The following PTDSS1 variants were observed in gnomAD, a reference collection of about 807,000 sequenced individuals.
The protein encoded by PTDSS1 is PSS-1.
PTDSS1 carries 45 observed loss-of-function variants against 70.5 expected under a neutral mutation model. The ratio of observed to expected loss-of-function variants is 0.64; its 90% confidence interval spans 0.50 to 0.82. The LOEUF is 0.82. Ranked by LOEUF, PTDSS1 falls within the 40% of genes least tolerant of loss-of-function variation. The pLI is 0.00. For synonymous variants in PTDSS1, 188 were observed against 203.8 expected (o/e 0.92, Z 0.66); for missense variants, 417 against 586.1 (o/e 0.71, Z 2.98).
In PTDSS1 at chr8:96,321,392, T is replaced by G. The variant is rs548066503; in HGVS notation, c.1173+1047T>G. ...AAATTACTAACCTTTTCTTAAAGGT[T>G]GTATTTGTTTAACAATATATTTGAA... is the stretch of plus-strand genomic sequence containing the variant. On this transcript the variant is annotated intron_variant, in intron 10 of 12. Coordinates refer to ENST00000517309, the MANE Select transcript of PTDSS1 (RefSeq NM_014754.3). Among the ~76,000 whole-genome samples, 28 of 152,348 alleles carry G rather than the reference T, an allele frequency of 1.8e-4. No individual in the cohort carries two copies. In the South Asian group the frequency reaches 5.6e-3, roughly 30 times the overall value.
chr8:96,289,106 T>C (rs1405172422), intron 4 of PTDSS1, among the ~76,000 whole-genome samples: 1 of 152,026 alleles, frequency 6.6e-6, no homozygotes. Context: ...GGCTAATTTT[T>C]CTATTTTTAG....
intron 12 of PTDSS1, 62 bp from the exon 13 acceptor site, chr8:96,333,395 A>G (rs1811546088): frequency 6.7e-7 from 1 of 1,485,658 alleles, no homozygotes; most frequent in East Asian, 2.3e-5. Context: ...GGCGGTCTGG[A>G]AAGGGACAGT....
intron 7 of PTDSS1, among the ~76,000 whole-genome samples, chr8:96,304,521 GAGAAGGCTTTTCTTACATTCCTAATTC>G (rs1258039051): frequency 6.6e-6 from 1 of 152,224 alleles, no homozygotes; most frequent in Non-Finnish European, 1.5e-5. Flanking sequence ...AGGAACAAAT[GAGAAGGCTTTTCTTACATTCCTAATTC>G]AGTGTTTATT....
chr8:96,328,107 GCTGCCA>G lies in PTDSS1; in HGVS notation c.1174-2100_1174-2095del, dbSNP rs572040832. On this transcript the variant is annotated intron_variant, in intron 10 of 12. Transcript: ENST00000517309. ...CTGTTTGCCGCTGGAGGGAGCGGCA[GCTGCCA>G]CTGCCTGTCATATTGGGCCTGGGGC... 4.6e-3 allele frequency among the ~76,000 whole-genome samples: 706 copies of G among 152,298 alleles called. 7 individuals are homozygous for G. Among genetic ancestry groups the G allele is most frequent in the South Asian group, 7.5e-3 (36 of 4,822 alleles).
intron 6 of PTDSS1, among the ~76,000 whole-genome samples, chr8:96,301,243 G>A (rs771908825): frequency 5.9e-5 from 9 of 151,696 alleles, no homozygotes; most frequent in Non-Finnish European, 7.4e-5. Context: ...GACTTCAGGC[G>A]CGTGCCACCA....
chr8:96,317,311 C>T (rs1811309147), intron 9 of PTDSS1, among the ~76,000 whole-genome samples: 1 of 152,038 alleles, frequency 6.6e-6, no homozygotes, highest in South Asian at 2.1e-4. Context: ...AGCCGGCCCC[C>T]TCACCTCCTC....
intron 5 of PTDSS1, 25 bp from the exon 6 acceptor site, chr8:96,299,669 A>G: frequency 1.3e-6 from 2 of 1,569,698 alleles, no homozygotes; most frequent in Non-Finnish European, 1.7e-6. Flanking sequence ...TTATTTTTCC[A>G]ACCATGGGCT....
In PTDSS1 at chr8:96,335,968, C is replaced by T. The variant is rs561823024; in HGVS notation, c.*2402C>T. 6.6e-6 allele frequency: 1 copy of T among 152,308 alleles called. No individual in the cohort carries two copies. Among genetic ancestry groups the T allele is most frequent in the South Asian group, 2.1e-4 (1 of 4,826 alleles). The allele number at this position is 152,308 out of a possible 1,614,324, so 9.4% of individuals were successfully genotyped here. ...TGTTTTGGACCTAAAGCTTGAAGAA[C>T]GGTTTATGTATTTTTCTCCTTAAGT... On this transcript the variant is annotated 3_prime_UTR_variant, in exon 13 of 13. Coordinates refer to ENST00000517309, the MANE Select transcript of PTDSS1 (RefSeq NM_014754.3).
In PTDSS1 at chr8:96,333,990, C is replaced by T; in HGVS notation, c.*424C>T. The T allele has an allele frequency of 2.2e-6, 1 of 450,040 alleles. No homozygotes were observed. Among genetic ancestry groups the T allele is most frequent in the South Asian group, 5.5e-5 (1 of 18,078 alleles). The allele number at this position is 450,040 out of a possible 1,614,324, so 27.9% of individuals were successfully genotyped here. On this transcript the variant is annotated 3_prime_UTR_variant, in exon 13 of 13. Coordinates refer to ENST00000517309, the MANE Select transcript of PTDSS1 (RefSeq NM_014754.3). ...TTTTATTTTATTTTTATGAATCTAC[C>T]TTTCCATTGATTGATTTAAGTTCAG...
In PTDSS1 at chr8:96,276,976, G is replaced by GCACACACACACA. The variant is rs1278729372; in HGVS notation, c.271+3587_271+3588insACACACACACAC. Among the ~76,000 whole-genome samples, 309 of 107,600 alleles carry GCACACACACACA rather than the reference G, an allele frequency of 2.9e-3. 1 individual carries two copies. The highest frequency in any genetic ancestry group is 8.9e-3 in the African/African-American group (298 of 33,422). 70.6% of individuals were successfully genotyped at this position (107,600 alleles called of 152,430 possible). A position where few individuals can be genotyped will look rare whatever the true frequency, so the allele number is the denominator to read the frequency against. ...CCCGGGCACATACACGCGCGCACGC[G>GCACACACACACA]CGCGCACACACACACACACACACAC... On this transcript the variant is annotated intron_variant, in intron 2 of 12. Transcript: ENST00000517309.
intron 9 of PTDSS1, among the ~76,000 whole-genome samples, chr8:96,316,475 G>A (rs142112843): frequency 1.8e-4 from 28 of 152,198 alleles, no homozygotes; most frequent in African/African-American, 6.3e-4. Context: ...ACCAAAAACC[G>A]CATATGCTCA....
intron 6 of PTDSS1, among the ~76,000 whole-genome samples, chr8:96,302,692 C>T (rs989050404): frequency 1.3e-5 from 2 of 152,174 alleles, no homozygotes; most frequent in Non-Finnish European, 2.9e-5. Context: ...AGTGATTCTC[C>T]TGCCTCAGCC....
intron 5 of PTDSS1, among the ~76,000 whole-genome samples, chr8:96,295,968 G>A (rs561930681): frequency 2.0e-4 from 31 of 151,850 alleles, no homozygotes; most frequent in Non-Finnish European, 3.4e-4. Flanking sequence ...AGATCAAAGC[G>A]TCGGCAGGAC....
At chr8:96,330,138 T>C in intron 10 of PTDSS1, 75 bp from the exon 11 acceptor site, 2 of 1,393,114 alleles carry the variant, frequency 1.4e-6, no homozygotes, top group Non-Finnish European at 2.0e-6. Flanking sequence ...CGGTCCTGCA[T>C]TGATTCCCAC....
chr8:96,270,496 T>C (rs894697135), intron 1 of PTDSS1, among the ~76,000 whole-genome samples: 3 of 152,202 alleles, frequency 2.0e-5, no homozygotes, highest in African/African-American at 7.2e-5. Flanking sequence ...GGCATTCTGT[T>C]CTTTTTGTGC....
intron 1 of PTDSS1, among the ~76,000 whole-genome samples, chr8:96,266,024 C>T (rs1023859358): frequency 6.6e-6 from 1 of 152,036 alleles, no homozygotes. Flanking sequence ...GTCTCAAGCT[C>T]AGAGTATAAT....
intron 9 of PTDSS1, 53 bp from the exon 10 acceptor site, chr8:96,320,193 G>A (rs905683994): frequency 1.7e-5 from 24 of 1,442,118 alleles, no homozygotes; most frequent in African/African-American, 2.8e-5. Context: ...TGGATAAAGT[G>A]TATGCTCTGG....
rs773045928 is a variant in PTDSS1, at chr8:96,331,066, T to A, written c.1283T>A (p.Ile428Asn). 1 of 1,613,188 alleles carries A rather than the reference T, an allele frequency of 6.2e-7. No individual in the cohort carries two copies. The highest frequency in any genetic ancestry group is 1.3e-5 in the African/African-American group (1 of 74,854). Reference sequence around the variant, plus strand: ...GAAGATGGCACCTACAGTCCAGAGATCTCCTGGCATCACAGGAAAGGGACA... The same window carrying A: ...GAAGATGGCACCTACAGTCCAGAGAACTCCTGGCATCACAGGAAAGGGACA... ...ECEDGTYSPE[I>N]SWHHRKGTKG... Residue 428 changes from isoleucine (I) to asparagine (N), a missense_variant, in exon 12 of 13, where the codon ATC becomes AAC. By Grantham distance (149) the Ile-to-Asn change is moderately radical. This residue lies in a region of PTDSS1 where 107 missense variants were observed against 122.3 expected (regional missense o/e 0.88). Coordinates refer to ENST00000517309, the MANE Select transcript of PTDSS1 (RefSeq NM_014754.3).
chr8:96,265,474 T>C (rs1810473007), intron 1 of PTDSS1, among the ~76,000 whole-genome samples: 1 of 152,234 alleles, frequency 6.6e-6, no homozygotes, highest in South Asian at 2.1e-4. Flanking sequence ...AAATATCTCC[T>C]GTCTTTATCA....
Sources: gnomAD v4.1 joint callset for allele counts (sites outside exome capture counted in the v4.1 genomes callset) on GRCh38, gnomAD v4.1.1 for gene constraint, gnomAD v4.1.1 regional missense constraint, MANE v1.5 for transcripts, NCBI Gene and HGNC (gene_info 2026-07-23, HGNC 2026-07-21) for gene names.